The following ZDHHC13 variants were observed in gnomAD, a reference collection of about 807,000 sequenced individuals.
The protein encoded by ZDHHC13 is palmitoyltransferase ZDHHC13.
Under a neutral mutation model 86.0 loss-of-function variants are expected in ZDHHC13, and 85 were observed. That is an observed-to-expected ratio of 0.99 (90% CI 0.83 to 1.18). The LOEUF is 1.18. Ranked by LOEUF, ZDHHC13 falls within the 50% of genes most tolerant of loss-of-function variation. ZDHHC13 has a pLI of 0.00. For missense variants in ZDHHC13, 711 were observed against 730.2 expected (o/e 0.97, Z 0.30); for synonymous variants, 263 against 246.4 (o/e 1.07, Z -0.63).
intron 9 of ZDHHC13, among the ~76,000 whole-genome samples, chr11:19,157,567 T>G (rs1241318848): frequency 6.6e-6 from 1 of 152,202 alleles, no homozygotes; most frequent in African/African-American, 2.4e-5. Context: ...TGTCTGCTAT[T>G]CAGACAACTT....
chr11:19,126,536 G>C (rs1268165919), intron 1 of ZDHHC13, among the ~76,000 whole-genome samples: 1 of 125,420 alleles, frequency 8.0e-6, no homozygotes, highest in African/African-American at 3.1e-5. Context: ...TTTTAGTAGA[G>C]ACGGAGTTTC....
chr11:19,128,213 G>T (rs151020686), intron 1 of ZDHHC13, among the ~76,000 whole-genome samples: 1 of 152,056 alleles, frequency 6.6e-6, no homozygotes. Flanking sequence ...TTTTGTGGCA[G>T]TTGTGAATGG....
chr11:19,134,312 A>G (rs1849074588), intron 1 of ZDHHC13, among the ~76,000 whole-genome samples: 1 of 152,204 alleles, frequency 6.6e-6, no homozygotes, highest in Admixed American at 6.5e-5. Context: ...TCTGGGCAAC[A>G]TAGTAAGACT....
In ZDHHC13 at chr11:19,117,211, C is replaced by A; in HGVS notation, c.-39C>A. On this transcript the variant is annotated 5_prime_UTR_variant, in exon 1 of 17. Transcript: ENST00000446113. This position sits in a 1 kb window ranked among gnomAD's most constrained non-coding sequence, Gnocchi z 4.2. ...GCTGGCGGGCTGGCGGCAGTCGCTA[C>A]TTGCCTAGTAGCCTCAGCCGCTGTG... 3 of 1,531,482 alleles carry A rather than the reference C, an allele frequency of 2.0e-6. No homozygotes were observed. The African/African-American group carries it at 4.1e-5, about 21-fold the overall frequency. 94.9% of individuals were successfully genotyped at this position (1,531,482 alleles called of 1,614,324 possible). A position where few individuals can be genotyped will look rare whatever the true frequency, so the allele number is the denominator to read the frequency against.
At chr11:19,171,118 GA>G (rs1160797583) in intron 15 of ZDHHC13, among the ~76,000 whole-genome samples, 2 of 152,184 alleles carry the variant, frequency 1.3e-5, no homozygotes, top group Admixed American at 6.5e-5. Context: ...GGTAAGAAAT[GA>G]AAAATACATC....
intron 1 of ZDHHC13, among the ~76,000 whole-genome samples, chr11:19,127,798 C>A (rs1479914345): frequency 2.0e-5 from 3 of 152,092 alleles, no homozygotes; most frequent in Non-Finnish European, 1.5e-5. Flanking sequence ...TATTCTATTC[C>A]ATTCATCTAT....
At position 19,172,865 on chromosome 11, in the gene ZDHHC13, T is replaced by G. The variant is rs111787252; in HGVS notation, c.1730+45T>G. ...GATGCTGAGTCCTGTGGAAGATCCC[T>G]AGTCACTGGTTTCCTAAGCTGGTGC... On this transcript the variant is annotated intron_variant, in intron 16 of 16. Transcript: ENST00000446113. 3,667 of 1,514,910 alleles carry G rather than the reference T, an allele frequency of 2.4e-3. 68 individuals are homozygous for G. In the African/African-American group the frequency reaches 0.042, roughly 17 times the overall value. 93.8% of individuals were successfully genotyped at this position (1,514,910 alleles called of 1,614,324 possible).
intron 1 of ZDHHC13, among the ~76,000 whole-genome samples, chr11:19,130,915 G>A (rs966298091): frequency 5.3e-5 from 8 of 151,508 alleles, no homozygotes; most frequent in East Asian, 1.9e-4. Flanking sequence ...GCGCGATATC[G>A]GCTCACTGCA....
chr11:19,139,303 T>G lies in ZDHHC13; in HGVS notation c.28-3675T>G, dbSNP rs1384878678. On this transcript the variant is annotated intron_variant, in intron 1 of 16. Coordinates refer to ENST00000446113, the MANE Select transcript of ZDHHC13 (RefSeq NM_019028.3). Reference sequence around the variant, plus strand: ...ACAGAGAGCCAAATTATGAGTGAACTCCCATTCACAATTGCTTCAAAGAGA... The same window carrying G: ...ACAGAGAGCCAAATTATGAGTGAACGCCCATTCACAATTGCTTCAAAGAGA... Among the ~76,000 whole-genome samples, 610 of 151,466 alleles carry G rather than the reference T, an allele frequency of 4.0e-3. 5 individuals are homozygous for G. Among genetic ancestry groups the G allele is most frequent in the African/African-American group, 0.014 (575 of 40,824 alleles).
chr11:19,139,138 A>G (rs1246217745), intron 1 of ZDHHC13, among the ~76,000 whole-genome samples: 1 of 152,112 alleles, frequency 6.6e-6, no homozygotes, highest in African/African-American at 2.4e-5. Context: ...CTGTTTGCAG[A>G]CGACATGATT....
intron 1 of ZDHHC13, among the ~76,000 whole-genome samples, chr11:19,135,663 A>C (rs1443026105): frequency 6.6e-6 from 1 of 152,226 alleles, no homozygotes; most frequent in Non-Finnish European, 1.5e-5. Flanking sequence ...CTGCAGAGTT[A>C]AATGTCCCTG....
At chr11:19,175,644 G>A (rs1850343633) in intron 16 of ZDHHC13, among the ~76,000 whole-genome samples, 178 bp from the exon 17 acceptor site, 1 of 152,108 alleles carries the variant, frequency 6.6e-6, no homozygotes, top group Non-Finnish European at 1.5e-5. Context: ...TTCAGGTCCA[G>A]AAATAGGCTT....
intron 2 of ZDHHC13, among the ~76,000 whole-genome samples, chr11:19,144,628 GACAC>G (rs1038352813): frequency 4.5e-4 from 68 of 152,102 alleles, no homozygotes; most frequent in African/African-American, 1.3e-3. Context: ...ATGCCAAAAA[GACAC>G]ACACACGCAC....
chr11:19,159,101 T>C, intron 10 of ZDHHC13, 61 bp downstream of exon 10: 1 of 1,231,520 alleles, frequency 8.1e-7, no homozygotes, highest in South Asian at 1.4e-5. Context: ...AGTAATGTTA[T>C]TGTTAGGAAT....
intron 1 of ZDHHC13, among the ~76,000 whole-genome samples, chr11:19,126,006 C>T (rs764612623): frequency 8.5e-5 from 13 of 152,098 alleles, no homozygotes; most frequent in Non-Finnish European, 1.8e-4. Flanking sequence ...ATTCATACAG[C>T]TGTATACCAA....
Position 19,152,219 on chromosome 11 carries a change from C to A in ZDHHC13, c.646C>A (p.His216Asn). 6.2e-7 allele frequency: 1 copy of A among 1,613,268 alleles called. No homozygotes were observed. The highest frequency in any genetic ancestry group is 8.5e-7 in the Non-Finnish European group (1 of 1,179,458). Residue 216 changes from histidine (H) to asparagine (N), a missense_variant, in exon 7 of 17, where the codon CAC (histidine) becomes AAC (asparagine). Transcript: ENST00000446113. ...NPSLNVVDKI[H>N]QNTPLHWAVA... ...TTCTCTCAATGTGGTTGATAAAATA[C>A]ACCAAAACACTCCACTTCACTGGGC... is the stretch of plus-strand genomic sequence containing the variant.
At chr11:19,163,777 C>G (rs1849977944) in intron 11 of ZDHHC13, among the ~76,000 whole-genome samples, 1 of 152,088 alleles carries the variant, frequency 6.6e-6, no homozygotes, top group Non-Finnish European at 1.5e-5. Context: ...CAGGGAGAGT[C>G]CTTCTGCTTA....
In ZDHHC13 at chr11:19,170,375, C is replaced by CTTTT. The variant is rs55637113; in HGVS notation, c.1475-17_1475-14dup. The CTTTT allele has an allele frequency of 1.4e-3, 1,735 of 1,232,166 alleles. 2 individuals carry two copies. Among genetic ancestry groups the CTTTT allele is most frequent in the South Asian group, 5.0e-3 (320 of 63,586 alleles). 76.3% of individuals were successfully genotyped at this position (1,232,166 alleles called of 1,614,324 possible). On this transcript the variant is annotated intron_variant, in intron 14 of 16. Transcript: ENST00000446113. ...TGGAGACTGATAAGTAGTTTATTGC[C>CTTTT]TTTTTTTTTTTTTTTTTTTTTTGGT... is the stretch of plus-strand genomic sequence containing the variant.
At chr11:19,153,348 T>C (rs1849663903) in intron 8 of ZDHHC13, among the ~76,000 whole-genome samples, 1 of 152,202 alleles carries the variant, frequency 6.6e-6, no homozygotes, top group Non-Finnish European at 1.5e-5. Context: ...ACTATTTAAA[T>C]TGTTAAAATG....
Sources: gnomAD v4.1 joint callset for allele counts (sites outside exome capture counted in the v4.1 genomes callset) on GRCh38, gnomAD v4.1.1 for gene constraint, Gnocchi (gnomAD v3.1) non-coding constraint, MANE v1.5 for transcripts, NCBI Gene and HGNC (gene_info 2026-07-23, HGNC 2026-07-21) for gene names.